Variants in GRM7 observed in about 807,000 individuals in gnomAD.
GRM7 encodes metabotropic glutamate receptor 7.
GRM7 carries 35 observed loss-of-function variants against 84.5 expected under a neutral mutation model. That is an observed-to-expected ratio of 0.41 (90% CI 0.32 to 0.55). The LOEUF (loss-of-function observed/expected upper bound fraction) is 0.55, where lower values mean the gene tolerates loss of function less well. Among genes scored for constraint, GRM7 ranks in the 20% least tolerant of loss-of-function variants. The pLI is 0.19. For missense variants in GRM7, 1,003 were observed against 1,194.6 expected (o/e 0.84, Z 2.36); for synonymous variants, 487 against 455.1 (o/e 1.07, Z -0.89).
At chr3:7,119,220 G>A (rs747205898) in intron 1 of GRM7, among the ~76,000 whole-genome samples, 14 of 151,848 alleles carry the variant, frequency 9.2e-5, no homozygotes, top group Non-Finnish European at 1.9e-4. Context: ...CCTCAGTATT[G>A]TTTTCCCATA....
chr3:7,688,511 T>TAAAC (rs1700670823), intron 9 of GRM7, among the ~76,000 whole-genome samples: 1 of 152,178 alleles, frequency 6.6e-6, no homozygotes, highest in Non-Finnish European at 1.5e-5. Flanking sequence ...ACATTAATGA[T>TAAAC]AAACATTTTG....
chr3:7,725,529 C>A (rs1488472721), intron 9 of GRM7, among the ~76,000 whole-genome samples: 1 of 152,046 alleles, frequency 6.6e-6, no homozygotes. Flanking sequence ...AAGTAAAGGC[C>A]TTGGTTTGGA....
At position 7,266,335 on chromosome 3, in the gene GRM7, G is replaced by C. The variant is rs147182883; in HGVS notation, c.737-32349G>C. On this transcript the variant is annotated intron_variant, in intron 2 of 9. Transcript: ENST00000357716. ...GAGTTTGAATATACCATGCTTGACA[G>C]TCACCTAAATTACTGCATGAAATTA... is the stretch of plus-strand genomic sequence containing the variant. Among the ~76,000 whole-genome samples the C allele has an allele frequency of 1.3e-3, 192 of 152,292 alleles. 1 individual carries two copies. Among genetic ancestry groups the C allele is most frequent in the African/African-American group, 4.4e-3 (182 of 41,562 alleles).
At chr3:7,312,194 T>C (rs1252216479) in intron 4 of GRM7, among the ~76,000 whole-genome samples, 1 of 152,090 alleles carries the variant, frequency 6.6e-6, no homozygotes, top group Non-Finnish European at 1.5e-5. Context: ...GGGCAATAAA[T>C]GATGAGCGAT....
chr3:7,699,189 T>G (rs1701129933), intron 9 of GRM7, among the ~76,000 whole-genome samples: 1 of 152,174 alleles, frequency 6.6e-6, no homozygotes, highest in Non-Finnish European at 1.5e-5. Flanking sequence ...AAAGTTTGAT[T>G]TCAGGTAAGA....
At chr3:6,874,417 A>T (rs546343768) in intron 1 of GRM7, among the ~76,000 whole-genome samples, 2 of 152,316 alleles carry the variant, frequency 1.3e-5, no homozygotes, top group East Asian at 3.9e-4. Flanking sequence ...GGCAGGCCAC[A>T]TCAATACCAC....
At chr3:6,991,663 G>T (rs549218472) in intron 1 of GRM7, among the ~76,000 whole-genome samples, 21 of 152,208 alleles carry the variant, frequency 1.4e-4, no homozygotes, top group African/African-American at 4.6e-4. Flanking sequence ...AAATTCTCTT[G>T]ATTTAAGGTA....
chr3:7,693,294 A>G (rs1456479422), intron 9 of GRM7, among the ~76,000 whole-genome samples: 2 of 152,184 alleles, frequency 1.3e-5, no homozygotes, highest in African/African-American at 4.8e-5. Context: ...AGCAAAGGTA[A>G]TTAAACTCAG....
chr3:7,717,255 C>T (rs530707629), intron 9 of GRM7, among the ~76,000 whole-genome samples: 113 of 152,082 alleles, frequency 7.4e-4, no homozygotes, highest in African/African-American at 2.4e-3. Flanking sequence ...ACAGAAAAGA[C>T]TTCCAAAACT....
intron 1 of GRM7, among the ~76,000 whole-genome samples, chr3:6,956,173 C>T (rs1000997193): frequency 6.6e-6 from 1 of 152,184 alleles, no homozygotes; most frequent in Non-Finnish European, 1.5e-5. Flanking sequence ...GAAAATAACT[C>T]TCTAAGGCAG....
At chr3:7,689,492 A>G (rs772947888) in intron 9 of GRM7, among the ~76,000 whole-genome samples, 2 of 152,146 alleles carry the variant, frequency 1.3e-5, no homozygotes, top group Admixed American at 6.5e-5. Context: ...GCAGCTATAA[A>G]TCTTTTTGGC....
chr3:7,496,762 A>G (rs1266755850), intron 7 of GRM7, among the ~76,000 whole-genome samples: 1 of 151,932 alleles, frequency 6.6e-6, no homozygotes, highest in African/African-American at 2.4e-5. Context: ...CGAATTAAGA[A>G]AAATATAATT....
At chr3:7,417,443 A>C (rs2125184257) in intron 5 of GRM7, among the ~76,000 whole-genome samples, 1 of 152,246 alleles carries the variant, frequency 6.6e-6, no homozygotes. Flanking sequence ...TCCAAAAAAT[A>C]CTATTTAAAA....
At chr3:7,256,657 AC>A (rs921824341) in intron 2 of GRM7, among the ~76,000 whole-genome samples, 1 of 151,778 alleles carries the variant, frequency 6.6e-6, no homozygotes, top group Admixed American at 6.6e-5. Flanking sequence ...ACACACACAC[AC>A]AAAAAATGAG....
chr3:7,097,677 G>A (rs1319053861), intron 1 of GRM7, among the ~76,000 whole-genome samples: 5 of 151,992 alleles, frequency 3.3e-5, no homozygotes, highest in African/African-American at 4.8e-5. Context: ...TCCATCACTC[G>A]TACAAGTTTG....
chr3:7,103,665 T>A lies in GRM7; in HGVS notation c.520-42787T>A, dbSNP rs979317216. 2.3e-4 allele frequency among the ~76,000 whole-genome samples: 35 copies of A among 151,856 alleles called. 1 individual carries two copies. The highest frequency in any genetic ancestry group is 3.4e-4 in the Non-Finnish European group (23 of 67,888). ...CCATAATTAATTATATACTAACATTTGATTGCATGACCTCTTTACAGTGTT... is the reference window on the plus strand; with the variant it reads ...CCATAATTAATTATATACTAACATTAGATTGCATGACCTCTTTACAGTGTT... On this transcript the variant is annotated intron_variant, in intron 1 of 9. Coordinates refer to ENST00000357716, the MANE Select transcript of GRM7 (RefSeq NM_000844.4).
chr3:7,355,075 G>C (rs1385774961), intron 4 of GRM7, among the ~76,000 whole-genome samples: 1 of 152,116 alleles, frequency 6.6e-6, no homozygotes, highest in African/African-American at 2.4e-5. Context: ...TAAAACATTT[G>C]CTTATGAGAA....
intron 2 of GRM7, among the ~76,000 whole-genome samples, chr3:7,292,369 G>A (rs1461903627): frequency 6.6e-6 from 1 of 151,962 alleles, no homozygotes; most frequent in Non-Finnish European, 1.5e-5. Context: ...CTTAATCTGT[G>A]GAGTATGTGA....
intron 9 of GRM7, among the ~76,000 whole-genome samples, chr3:7,720,407 G>A (rs1298931107): frequency 6.6e-6 from 1 of 151,976 alleles, no homozygotes; most frequent in African/African-American, 2.4e-5. Context: ...TTCCCTCCAA[G>A]CCCAAACAAA....
Sources: allele counts gnomAD v4.1 joint callset (sites outside exome capture counted in the v4.1 genomes callset), GRCh38; gene constraint gnomAD v4.1.1; transcripts MANE v1.5; gene names NCBI Gene and HGNC (gene_info 2026-07-23, HGNC 2026-07-21).